The following NEBL variants were observed in gnomAD, a reference collection of about 807,000 sequenced individuals.
NEBL encodes LIM and SH3 protein 2.
Under a neutral mutation model 140.2 loss-of-function variants are expected in NEBL, and 122 were observed. The observed-to-expected ratio is 0.87, with a 90% CI of 0.75 to 1.01. The LOEUF (loss-of-function observed/expected upper bound fraction) is 1.01. Among genes scored for constraint, NEBL ranks in the 50% least tolerant of loss-of-function variants. NEBL has a pLI of 0.00. For synonymous variants in NEBL, 436 were observed against 398.9 expected, an observed-to-expected ratio of 1.09 and a Z score of -1.11; for missense variants, 1,365 against 1,231.3, an observed-to-expected ratio of 1.11 and a Z score of -1.62.
At chr10:20,922,912 C>G (rs1187766266) in intron 4 of NEBL, among the ~76,000 whole-genome samples, 15 of 152,252 alleles carry the variant, frequency 9.9e-5, no homozygotes, top group Non-Finnish European at 2.9e-5. Context: ...CACACAGAAA[C>G]CGATGACTTC....
At chr10:21,157,860 G>A (rs1166768074) in intron 2 of NEBL, among the ~76,000 whole-genome samples, 1 of 152,072 alleles carries the variant, frequency 6.6e-6, no homozygotes, top group African/African-American at 2.4e-5. Context: ...CAAGATGGCT[G>A]GTGTCCTTAG....
chr10:20,953,167 G>A (rs184110440), intron 4 of NEBL, among the ~76,000 whole-genome samples: 21 of 152,224 alleles, frequency 1.4e-4, no homozygotes, highest in Admixed American at 1.2e-3. Flanking sequence ...CAATGTGACT[G>A]TATTTGGAGA....
chr10:20,955,215 T>C (rs1397747025), intron 4 of NEBL, among the ~76,000 whole-genome samples: 1 of 152,034 alleles, frequency 6.6e-6, no homozygotes, highest in East Asian at 1.9e-4. Context: ...AAAACATAAA[T>C]GGAAAGAGAC....
chr10:21,175,667 C>A (rs942048530), upstream of NEBL, among the ~76,000 whole-genome samples: 1 of 152,194 alleles, frequency 6.6e-6, no homozygotes, highest in East Asian at 1.9e-4. Flanking sequence ...AGCCCCTGAG[C>A]CACTCACTCA....
upstream of NEBL, among the ~76,000 whole-genome samples, chr10:20,898,330 C>A (rs1327338508): frequency 6.6e-6 from 1 of 151,980 alleles, no homozygotes; most frequent in South Asian, 2.1e-4. Flanking sequence ...ATACCCTACA[C>A]TGAATAGTAA....
chr10:21,211,032 C>T (rs1295391930), intron 3 of NEBL, among the ~76,000 whole-genome samples: 2 of 152,166 alleles, frequency 1.3e-5, no homozygotes, highest in Non-Finnish European at 2.9e-5. Context: ...TCCATATCCT[C>T]AGTCACGTTT....
intron 3 of NEBL, among the ~76,000 whole-genome samples, chr10:20,967,297 T>C (rs1389837705): frequency 6.6e-6 from 1 of 152,152 alleles, no homozygotes; most frequent in Non-Finnish European, 1.5e-5. Context: ...TGGATGAGTC[T>C]CAGAAACATT....
At chr10:20,835,675 A>G in intron 13 of NEBL, 52 bp from the exon 14 acceptor site, 3 of 1,232,280 alleles carry the variant, frequency 2.4e-6, no homozygotes, top group Non-Finnish European at 3.6e-6. Context: ...GCAAACATGC[A>G]TCTGCAGTCA....
intron 2 of NEBL, among the ~76,000 whole-genome samples, chr10:21,080,666 G>A (rs1190532736): frequency 6.6e-6 from 1 of 152,262 alleles, no homozygotes; most frequent in Non-Finnish European, 1.5e-5. Flanking sequence ...AAGAAGCAAG[G>A]CTGGGTTTCT....
At chr10:21,019,290 T>G (rs1838685129) in intron 3 of NEBL, among the ~76,000 whole-genome samples, 2 of 152,212 alleles carry the variant, frequency 1.3e-5, no homozygotes, top group Admixed American at 6.5e-5. Flanking sequence ...TCACTGCACG[T>G]TAGTGCAAAC....
intron 3 of NEBL, among the ~76,000 whole-genome samples, chr10:21,226,935 A>G (rs1420435786): frequency 6.6e-6 from 1 of 152,060 alleles, no homozygotes. Flanking sequence ...GCTTCAAATC[A>G]GCCATCTTGT....
intron 3 of NEBL, among the ~76,000 whole-genome samples, chr10:21,203,538 CT>C (rs1375977317): frequency 6.6e-6 from 1 of 152,138 alleles, no homozygotes; most frequent in Non-Finnish European, 1.5e-5. Flanking sequence ...GCAGCAAATG[CT>C]TTATTACTCC....
intron 26 of NEBL, among the ~76,000 whole-genome samples, chr10:20,790,201 C>T (rs540733724): frequency 4.6e-5 from 7 of 152,140 alleles, no homozygotes; most frequent in Non-Finnish European, 7.4e-5. Context: ...TGATTATTCT[C>T]ATTTGCCATC....
intron 3 of NEBL, among the ~76,000 whole-genome samples, chr10:21,235,240 G>C (rs1441218314): frequency 6.6e-6 from 1 of 152,112 alleles, no homozygotes; most frequent in Non-Finnish European, 1.5e-5. Context: ...CGGCTGCAGT[G>C]AGCTACGACT....
At chr10:21,282,862 C>T (rs377214458) in intron 1 of NEBL, among the ~76,000 whole-genome samples, 4 of 152,134 alleles carry the variant, frequency 2.6e-5, no homozygotes, top group East Asian at 1.9e-4. Flanking sequence ...CAGTGGCTCA[C>T]GCCTGTAATC....
intron 2 of NEBL, among the ~76,000 whole-genome samples, chr10:21,073,607 ACT>A (rs1171550248): frequency 1.4e-4 from 19 of 135,230 alleles, no homozygotes; most frequent in Non-Finnish European, 1.1e-4. Context: ...ACAGAGCAAG[ACT>A]CTGTCGTCAA....
At chr10:21,269,432 G>A (rs1842835231) in intron 1 of NEBL, among the ~76,000 whole-genome samples, 1 of 152,236 alleles carries the variant, frequency 6.6e-6, no homozygotes, top group African/African-American at 2.4e-5. Flanking sequence ...TTGGGAAATA[G>A]TCTCGATGAG....
At chr10:20,868,500 A>T (rs1433981489) in intron 7 of NEBL, 164 bp downstream of exon 7, 4 of 633,230 alleles carry the variant, frequency 6.3e-6, no homozygotes, top group Admixed American at 2.8e-5. Flanking sequence ...TTTTTCCTTT[A>T]CTGAAATTCA....
intron 1 of NEBL, among the ~76,000 whole-genome samples, chr10:21,260,052 C>G (rs1215227916): frequency 6.6e-6 from 1 of 152,226 alleles, no homozygotes; most frequent in Non-Finnish European, 1.5e-5. Context: ...TCCAACCAAC[C>G]CAGTCCTGCC....
Sources: gnomAD v4.1 joint callset for allele counts (sites outside exome capture counted in the v4.1 genomes callset) on GRCh38, gnomAD v4.1.1 for gene constraint, MANE v1.5 for transcripts, NCBI Gene and HGNC (gene_info 2026-07-23, HGNC 2026-07-21) for gene names.